Variants in ZNF536 observed in about 807,000 individuals in gnomAD.
The protein encoded by ZNF536 is zinc finger protein 536.
A neutral mutation model predicts 84.5 loss-of-function variants in ZNF536; 13 were observed. The ratio of observed to expected loss-of-function variants is 0.15; its 90% CI spans 0.10 to 0.24. The LOEUF is 0.24. Among genes scored for constraint, ZNF536 ranks in the 10% least tolerant of loss-of-function variants. The pLI is 1.00. For synonymous variants in ZNF536, 811 were observed against 742.5 expected (o/e 1.09, Z -1.50); for missense variants, 1,536 against 1,747.5 (o/e 0.88, Z 2.16).
intron 2 of ZNF536, among the ~76,000 whole-genome samples, chr19:30,481,915 G>A (rs1028177171): frequency 5.3e-5 from 8 of 151,958 alleles, no homozygotes; most frequent in African/African-American, 1.2e-4. Flanking sequence ...GACAATATAC[G>A]ATATTTGGTT....
At position 30,599,091 on chromosome 19, in the gene ZNF536, C is replaced by T. The variant is rs1273282043; in HGVS notation, c.169+49577C>T. ...TCCCTCCCTGTTTCCTCTTTCCCTC[C>T]TCTCTCTCTCCTTTCCTCCCTCCCT... On this transcript the variant is annotated intron_variant, in intron 1 of 1. Coordinates refer to the ZNF536 transcript ENST00000592773. Among the ~76,000 whole-genome samples the T allele has an allele frequency of 1.5e-5, 2 of 134,926 alleles. 1 individual carries two copies. The highest frequency in any genetic ancestry group is 5.6e-5 in the African/African-American group (2 of 35,462). 88.5% of individuals were successfully genotyped at this position (134,926 alleles called of 152,430 possible).
chr19:30,276,294 C>T (rs1008112867), intron 1 of ZNF536, among the ~76,000 whole-genome samples: 1 of 152,074 alleles, frequency 6.6e-6, no homozygotes, highest in Non-Finnish European at 1.5e-5. Context: ...CAAGCATGAG[C>T]CCAGTGGAAC....
intron 1 of ZNF536, among the ~76,000 whole-genome samples, chr19:30,261,266 C>G (rs1322818181): frequency 3.0e-5 from 4 of 134,184 alleles, no homozygotes; most frequent in African/African-American, 8.5e-5. Context: ...CCACTGCACT[C>G]CAGCCTGGGC....
chr19:30,662,962 CTTT>C (rs951081577), intron 1 of ZNF536, among the ~76,000 whole-genome samples: 2 of 78,766 alleles, frequency 2.5e-5, no homozygotes, highest in Non-Finnish European at 5.0e-5. Context: ...TTTTTCGTTT[CTTT>C]TTTTTTTTTT....
At chr19:30,278,496 C>G (rs1437198275) in intron 1 of ZNF536, among the ~76,000 whole-genome samples, 1 of 152,052 alleles carries the variant, frequency 6.6e-6, no homozygotes, top group Non-Finnish European at 1.5e-5. Context: ...AGTCATTTAC[C>G]AACTCTAGCA....
At chr19:30,410,048 C>T (rs535009323) in intron 1 of ZNF536, among the ~76,000 whole-genome samples, 4 of 151,790 alleles carry the variant, frequency 2.6e-5, no homozygotes, top group Middle Eastern at 3.2e-3. Context: ...ATTGTTTCTT[C>T]GAAGTATTTC....
chr19:30,604,972 G>T (rs962303911), intron 1 of ZNF536, among the ~76,000 whole-genome samples: 3 of 152,244 alleles, frequency 2.0e-5, no homozygotes, highest in East Asian at 1.9e-4. Flanking sequence ...CACGTAGCTT[G>T]CACTACAAAG....
intron 1 of ZNF536, among the ~76,000 whole-genome samples, chr19:30,638,248 C>T (rs981310436): frequency 6.6e-6 from 1 of 152,222 alleles, no homozygotes; most frequent in Non-Finnish European, 1.5e-5. Flanking sequence ...GTCGTAAGGA[C>T]TTTTAAGGTC....
At chr19:30,339,210 C>T (rs73534797) in intron 2 of ZNF536, among the ~76,000 whole-genome samples, 1,866 of 152,246 alleles carry the variant, frequency 0.012, 41 homozygotes, top group African/African-American at 0.043. Flanking sequence ...ATTTGGAATC[C>T]GCACGGAATT....
chr19:30,419,819 A>T (rs535089411), intron 1 of ZNF536, among the ~76,000 whole-genome samples: 1 of 152,028 alleles, frequency 6.6e-6, no homozygotes, highest in African/African-American at 2.4e-5. Context: ...TCCAGGCAGG[A>T]CTCCCAACAC....
At chr19:30,598,274 C>T (rs938036050) in intron 1 of ZNF536, among the ~76,000 whole-genome samples, 1 of 152,188 alleles carries the variant, frequency 6.6e-6, no homozygotes. Context: ...CCCCAGGCAA[C>T]CCAACTTAGC....
At chr19:30,410,458 T>A (rs2147679442) in intron 1 of ZNF536, among the ~76,000 whole-genome samples, 1 of 144,232 alleles carries the variant, frequency 6.9e-6, no homozygotes, top group South Asian at 2.2e-4. Context: ...CAATGAAAAG[T>A]GAAGGTCTTT....
chr19:30,687,591 A>G (rs1245253035), intron 1 of ZNF536, among the ~76,000 whole-genome samples: 1 of 152,222 alleles, frequency 6.6e-6, no homozygotes, highest in African/African-American at 2.4e-5. Flanking sequence ...GGTCACGTTC[A>G]CTTTCAACCT....
chr19:30,568,102 G>C (rs1473324955), intron 1 of ZNF536, among the ~76,000 whole-genome samples: 2 of 152,148 alleles, frequency 1.3e-5, no homozygotes, highest in African/African-American at 2.4e-5. Flanking sequence ...TTATATAAGG[G>C]TTTTCTGCTT....
chr19:30,355,071 C>A (rs755576744), intron 3 of ZNF536, among the ~76,000 whole-genome samples: 7 of 152,142 alleles, frequency 4.6e-5, no homozygotes, highest in Non-Finnish European at 1.0e-4. Flanking sequence ...TAAAGAAATA[C>A]CCAAGGCTGG....
chr19:30,238,100 C>T (rs1449797415), intron 1 of ZNF536, among the ~76,000 whole-genome samples: 1 of 152,106 alleles, frequency 6.6e-6, no homozygotes, highest in African/African-American at 2.4e-5. Context: ...ATTAAGGAGC[C>T]CAGAGACCAG....
intron 1 of ZNF536, among the ~76,000 whole-genome samples, chr19:30,238,393 C>T (rs1294217567): frequency 6.6e-6 from 1 of 151,874 alleles, no homozygotes; most frequent in Non-Finnish European, 1.5e-5. Flanking sequence ...CAAATATTCT[C>T]ACTCCAATCC....
intron 1 of ZNF536, among the ~76,000 whole-genome samples, chr19:30,567,281 G>A: frequency 6.6e-6 from 1 of 152,216 alleles, no homozygotes; most frequent in Non-Finnish European, 1.5e-5. Context: ...AGGGCCTGGG[G>A]AGCACCGTCT....
chr19:30,430,924 C>T (rs1440710449), intron 1 of ZNF536, among the ~76,000 whole-genome samples: 4 of 152,226 alleles, frequency 2.6e-5, no homozygotes, highest in African/African-American at 7.2e-5. Context: ...GATCCACCTG[C>T]CTTGGCCTCC....
Sources: gnomAD v4.1 joint callset for allele counts (sites outside exome capture counted in the v4.1 genomes callset) on GRCh38, gnomAD v4.1.1 for gene constraint, MANE v1.5 for transcripts, NCBI Gene and HGNC (gene_info 2026-07-23, HGNC 2026-07-21) for gene names.